The following ZNF491 variants were observed in gnomAD, a reference collection of about 807,000 sequenced individuals.
ZNF491 encodes zinc finger protein 491.
ZNF491 carries 22 observed loss-of-function variants against 34.7 expected under a neutral mutation model. That is an observed-to-expected ratio of 0.63 (90% CI 0.45 to 0.90). ZNF491 has a LOEUF of 0.90. Among genes scored for constraint, ZNF491 ranks in the 40% least tolerant of loss-of-function variants. The probability of loss-of-function intolerance (pLI) is 0.00; values close to 1 mark genes in which losing one functional copy is unlikely to be tolerated. For missense variants in ZNF491, 559 were observed against 531.7 expected, an observed-to-expected ratio of 1.05 and a Z score of -0.51; for synonymous variants, 148 against 174.3, an observed-to-expected ratio of 0.85 and a Z score of 1.19.
rs561156252 is a variant in ZNF491, at chr19:11,802,515, C to A, written c.-133-2027C>A. Among the ~76,000 whole-genome samples, 38 of 152,310 alleles carry A rather than the reference C, an allele frequency of 2.5e-4. 1 individual carries two copies. In the South Asian group the frequency reaches 5.6e-3, roughly 22 times the overall value. ...TTCTTAATTTTCATAAATCACATTACCTTTTTGTTAAGACTGCCCCCTCAC... is the reference window on the plus strand; with the variant it reads ...TTCTTAATTTTCATAAATCACATTAACTTTTTGTTAAGACTGCCCCCTCAC... On this transcript the variant is annotated intron_variant, in intron 1 of 2. Coordinates refer to ENST00000323169, the MANE Select transcript of ZNF491 (RefSeq NM_152356.4).
chr19:11,807,140 T>C lies in ZNF491; in HGVS notation c.1187T>C (p.Ile396Thr). 6.2e-7 allele frequency: 1 copy of C among 1,611,174 alleles called. No homozygotes were observed. The highest frequency in any genetic ancestry group is 8.5e-7 in the Non-Finnish European group (1 of 1,179,010). Residue 396 changes from isoleucine to threonine, a missense_variant, in exon 3 of 3, where the codon ATA becomes ACA. By Grantham distance (89) the Ile-to-Thr change is moderately conservative. Coordinates refer to ENST00000323169, the MANE Select transcript of ZNF491 (RefSeq NM_152356.4). ...TGTGGGAAAGCCTTCACTTGTTCCA[T>C]ATATATTAGAATACATGAAAGAATT... ...KHCGKAFTCSIYIRIHERIHT... is the reference protein window; with the variant it reads ...KHCGKAFTCSTYIRIHERIHT...
chr19:11,806,426 G>T lies in ZNF491; in HGVS notation c.473G>T (p.Arg158Leu), dbSNP rs376949228. ...GAACGAACTCACACTGGAGAGAAACGATATGAATGTAAACAATGTGGTAAA... is the reference window on the plus strand; with the variant it reads ...GAACGAACTCACACTGGAGAGAAACTATATGAATGTAAACAATGTGGTAAA... ...THERTHTGEK[R>L]YECKQCGKAF... The change falls in exon 3 of 3, where the codon CGA (arginine) becomes CTA (leucine). Residue 158 changes from arginine to leucine, a missense_variant. Arg to Leu is a moderately radical substitution (Grantham distance 102). Coordinates refer to ENST00000323169, the MANE Select transcript of ZNF491 (RefSeq NM_152356.4). 3 of 1,612,054 alleles carry T rather than the reference G, an allele frequency of 1.9e-6. No homozygotes were observed. Among genetic ancestry groups the T allele is most frequent in the Admixed American group, 1.7e-5 (1 of 59,698 alleles).
rs1975639822 is a variant in ZNF491, at chr19:11,808,220, A to G, written c.*953A>G. 6.3e-6 allele frequency: 1 copy of G among 159,702 alleles called. No individual in the cohort carries two copies. Among genetic ancestry groups the G allele is most frequent in the Non-Finnish European group, 1.5e-5 (1 of 68,088 alleles). 9.9% of individuals were successfully genotyped at this position (159,702 alleles called of 1,614,324 possible). A position where few individuals can be genotyped will look rare whatever the true frequency, so the allele number is the denominator to read the frequency against. On this transcript the variant is annotated 3_prime_UTR_variant, in exon 3 of 3. Transcript: ENST00000323169. ...AACACAGTGAAACCCCATCTCTACTAAAAGTACCAAAGTTAGCCGGGTGTG... is the reference window on the plus strand; with the variant it reads ...AACACAGTGAAACCCCATCTCTACTGAAAGTACCAAAGTTAGCCGGGTGTG...
rs781402797 is a variant in ZNF491 at position 11,807,086 on chromosome 19, C to T, written c.1133C>T (p.Ala378Val). ...TTTCATAGACATGAAAGGACTCACG[C>T]TGGAGAAAAACCTTATGAATGTAAG... ...SSFHRHERTH[A>V]GEKPYECKHC... Residue 378 changes from alanine to valine, a missense_variant, in exon 3 of 3, where the codon GCT becomes GTT. By Grantham distance (64) the Ala-to-Val change is moderately conservative. Coordinates refer to ENST00000323169, the MANE Select transcript of ZNF491 (RefSeq NM_152356.4). 1 of 1,609,106 alleles carries T rather than the reference C, an allele frequency of 6.2e-7. No individual in the cohort carries two copies. The highest frequency in any genetic ancestry group is 8.5e-7 in the Non-Finnish European group (1 of 1,178,340).
At chr19:11,803,667 T>C (rs754808450) in intron 1 of ZNF491, among the ~76,000 whole-genome samples, 3 of 152,226 alleles carry the variant, frequency 2.0e-5, no homozygotes, top group Non-Finnish European at 2.9e-5. Context: ...ATGATTAGAC[T>C]GGAGTTAGGT....
chr19:11,804,138 G>A (rs572350390), intron 1 of ZNF491, among the ~76,000 whole-genome samples: 12 of 151,048 alleles, frequency 7.9e-5, no homozygotes, highest in South Asian at 4.2e-4. Flanking sequence ...GGGAGGCAGA[G>A]GTTGCAGTGA....
Position 11,808,063 on chromosome 19 carries a change from C to A in ZNF491, c.*796C>A, listed in dbSNP as rs11670714. On this transcript the variant is annotated 3_prime_UTR_variant, in exon 3 of 3. Transcript: ENST00000323169. The stretch of plus-strand genomic sequence containing the variant: ...TTGACAATGTGTATTTTTGAGGGAG[C>A]AAAGATTTCTGTACATATTTCTTAA... The A allele has an allele frequency of 0.32, 53,102 of 166,862 alleles. 8,798 individuals carry two copies. The highest frequency in any genetic ancestry group is 0.37 in the Non-Finnish European group (24,970 of 68,036). 10.3% of individuals were successfully genotyped at this position (166,862 alleles called of 1,614,324 possible). A position where few individuals can be genotyped will look rare whatever the true frequency, so the allele number is the denominator to read the frequency against.
In ZNF491 at chr19:11,806,976, C is replaced by T. The variant is rs201790346; in HGVS notation, c.1023C>T (p.Tyr341=). Residue 341 remains tyrosine, a synonymous_variant, in exon 3 of 3, where the codon TAC becomes TAT. Transcript: ENST00000323169. ...GGAAAGCCTTCAGATCTGCCAAGTACATTCGAATACATGGAAGGACTCACA... is the reference window on the plus strand; with the variant it reads ...GGAAAGCCTTCAGATCTGCCAAGTATATTCGAATACATGGAAGGACTCACA... ...QCGKAFRSAK[Y]IRIHGRTHTG... is the part of the protein sequence containing the mutation. 20 of 1,612,906 alleles carry T rather than the reference C, an allele frequency of 1.2e-5. No individual in the cohort carries two copies. The highest frequency in any genetic ancestry group is 1.6e-5 in the Non-Finnish European group (19 of 1,179,542).
chr19:11,799,749 C>G (rs1054639035), intron 1 of ZNF491, among the ~76,000 whole-genome samples: 1 of 151,982 alleles, frequency 6.6e-6, no homozygotes, highest in South Asian at 2.1e-4. Context: ...TCCTGGCCAA[C>G]ATGGTGAAAC....
rs754552260 is a variant in ZNF491, at chr19:11,807,638, A to C, written c.*371A>C. ...GGTGTAGGTTTCCAAAGATGTCCCCAGAAGCTCCACATTCAAGTTCTATCT... is the reference window on the plus strand; with the variant it reads ...GGTGTAGGTTTCCAAAGATGTCCCCCGAAGCTCCACATTCAAGTTCTATCT... On this transcript the variant is annotated 3_prime_UTR_variant, in exon 3 of 3. Transcript: ENST00000323169. 5.0e-6 allele frequency: 1 copy of C among 201,742 alleles called. No individual in the cohort carries two copies. The highest frequency in any genetic ancestry group is 1.1e-5 in the Non-Finnish European group (1 of 91,012). 12.5% of individuals were successfully genotyped at this position (201,742 alleles called of 1,614,324 possible). A position where few individuals can be genotyped will look rare whatever the true frequency, so the allele number is the denominator to read the frequency against.
In ZNF491 at chr19:11,805,968, C is replaced by G; in HGVS notation, c.15C>G (p.Leu5=). MGER[L]FESAEGSQCG... ...ACAGAAATTTTATGGGAGAGAGACT[C>G]TTTGAGAGTGCAGAAGGTAGTCAGT... The change falls in exon 3 of 3, where the codon CTC becomes CTG. Residue 5 remains leucine, a synonymous_variant. Coordinates refer to ENST00000323169, the MANE Select transcript of ZNF491 (RefSeq NM_152356.4). 6.3e-7 allele frequency: 1 copy of G among 1,584,330 alleles called. No homozygotes were observed. Among genetic ancestry groups the G allele is most frequent in the Non-Finnish European group, 8.6e-7 (1 of 1,168,598 alleles).
Position 11,806,351 on chromosome 19 carries a change from G to T in ZNF491, c.398G>T (p.Cys133Phe), listed in dbSNP as rs375847840. 8 of 1,612,838 alleles carry T rather than the reference G, an allele frequency of 5.0e-6. No individual in the cohort carries two copies. The highest frequency in any genetic ancestry group is 4.4e-5 in the South Asian group (4 of 90,896). The change falls in exon 3 of 3, where the codon TGT becomes TTT. Residue 133 changes from cysteine to phenylalanine, a missense_variant. Coordinates refer to ENST00000323169, the MANE Select transcript of ZNF491 (RefSeq NM_152356.4). The part of the protein sequence containing the change: ...VTHSGDGPYK[C>F]KFCGKALDCL... ...CACAGTGGAGATGGACCTTATAAAT[G>T]TAAGTTTTGTGGGAAAGCCTTGGAT...
In ZNF491 at chr19:11,804,672, G is replaced by A; in HGVS notation, c.-8+5G>A. The A allele has an allele frequency of 2.7e-5, 35 of 1,291,392 alleles. No homozygotes were observed. Among genetic ancestry groups the A allele is most frequent in the Non-Finnish European group, 3.5e-5 (35 of 987,818 alleles). 80.0% of individuals were successfully genotyped at this position (1,291,392 alleles called of 1,614,324 possible). A position where few individuals can be genotyped will look rare whatever the true frequency, so the allele number is the denominator to read the frequency against. ...TCACGAACCTCATCTGTATAGGTAGGGGTGACAATATTACCTCCCTCAGTG... is the reference window on the plus strand; with the variant it reads ...TCACGAACCTCATCTGTATAGGTAGAGGTGACAATATTACCTCCCTCAGTG... On this transcript the variant is annotated splice_donor_5th_base_variant and intron_variant, in intron 2 of 2. Transcript: ENST00000323169.
intron 1 of ZNF491, among the ~76,000 whole-genome samples, chr19:11,801,832 A>G (rs1216521071): frequency 1.3e-5 from 2 of 152,108 alleles, no homozygotes; most frequent in Non-Finnish European, 2.9e-5. Context: ...ATGAAGTTTC[A>G]TGCCTGTTGT....
At chr19:11,805,898 A>T (rs1975604177) in intron 2 of ZNF491, 49 bp from the exon 3 acceptor site, 3 of 1,398,476 alleles carry the variant, frequency 2.1e-6, no homozygotes, top group Non-Finnish European at 2.9e-6. Context: ...AACAAATATT[A>T]AATCGCTTAT....
At chr19:11,805,803 C>T (rs2145100747) in intron 2 of ZNF491, 144 bp from the exon 3 acceptor site, 1 of 670,400 alleles carries the variant, frequency 1.5e-6, no homozygotes, top group Non-Finnish European at 2.4e-6. Context: ...GTTATGATCA[C>T]ACCACTGCAC....
At chr19:11,803,986 C>T (rs1481711331) in intron 1 of ZNF491, among the ~76,000 whole-genome samples, 2 of 151,746 alleles carry the variant, frequency 1.3e-5, no homozygotes, top group African/African-American at 2.4e-5. Flanking sequence ...GGGCAGATGA[C>T]GAGATCAGGA....
At position 11,807,731 on chromosome 19, in the gene ZNF491, G is replaced by A. The variant is rs948276492; in HGVS notation, c.*464G>A. ...GAGATAATGCAGACTGTCATGGGTG[G>A]GGAATGTTCTCTGATGCTCAACTCC... On this transcript the variant is annotated 3_prime_UTR_variant, in exon 3 of 3. Coordinates refer to ENST00000323169, the MANE Select transcript of ZNF491 (RefSeq NM_152356.4). 3.0e-5 allele frequency: 5 copies of A among 168,344 alleles called. No individual in the cohort carries two copies. The highest frequency in any genetic ancestry group is 1.2e-4 in the African/African-American group (5 of 41,462). 10.4% of individuals were successfully genotyped at this position (168,344 alleles called of 1,614,324 possible).
At chr19:11,800,925 T>C (rs1568232169) in intron 1 of ZNF491, among the ~76,000 whole-genome samples, 1 of 151,846 alleles carries the variant, frequency 6.6e-6, no homozygotes. Context: ...TCAGCTACTA[T>C]ACTCGGGAGA....
Sources: gnomAD v4.1 joint callset for allele counts (sites outside exome capture counted in the v4.1 genomes callset) on GRCh38, gnomAD v4.1.1 for gene constraint, MANE v1.5 for transcripts, NCBI Gene and HGNC (gene_info 2026-07-23, HGNC 2026-07-21) for gene names.